EXOC6B: variants seen among roughly 807,000 people sequenced by gnomAD.
The protein encoded by EXOC6B is exocyst complex component 6B.
In EXOC6B, 54 loss-of-function variants were observed where a neutral mutation model predicts 113.5. That is an observed-to-expected ratio of 0.48 (90% confidence interval 0.38 to 0.60). EXOC6B has a LOEUF of 0.60. EXOC6B is among the 20% of genes least tolerant of loss of function. The probability of loss-of-function intolerance (pLI) is 0.00; values close to 1 mark genes in which losing one functional copy is unlikely to be tolerated. For missense variants in EXOC6B, 797 were observed against 977.5 expected, an observed-to-expected ratio of 0.82 and a Z score of 2.46; for synonymous variants, 357 against 339.0, an observed-to-expected ratio of 1.05 and a Z score of -0.58.
chr2:72,243,025 C>T (rs1043927265), intron 20 of EXOC6B, among the ~76,000 whole-genome samples: 11 of 152,100 alleles, frequency 7.2e-5, no homozygotes, highest in Non-Finnish European at 1.0e-4. Flanking sequence ...TGTGCCTGGC[C>T]AAGAAATCCA....
At chr2:72,416,989 T>C (rs1400294639) in intron 18 of EXOC6B, among the ~76,000 whole-genome samples, 2 of 152,132 alleles carry the variant, frequency 1.3e-5, no homozygotes, top group African/African-American at 4.8e-5. Flanking sequence ...AATCAAAAGT[T>C]TTATCATAGG....
rs1178975476 is a variant in EXOC6B, at chr2:72,176,674, T to C, written c.*2661A>G. ...ATTTTCCCTATGAATGTTAAAATGA[T>C]GCAAGCAGCCTATATTACTACTGAA... On this transcript the variant is annotated 3_prime_UTR_variant, in exon 22 of 22. Transcript: ENST00000272427. 2.0e-5 allele frequency: 3 copies of C among 152,206 alleles called. No homozygotes were observed. The highest frequency in any genetic ancestry group is 7.2e-5 in the African/African-American group (3 of 41,458). The allele number at this position is 152,206 out of a possible 1,614,324, so 9.4% of individuals were successfully genotyped here. A position where few individuals can be genotyped will look rare whatever the true frequency, so the allele number is the denominator to read the frequency against.
chr2:72,607,490 T>A (rs957949658), intron 6 of EXOC6B, among the ~76,000 whole-genome samples: 1 of 152,198 alleles, frequency 6.6e-6, no homozygotes, highest in African/African-American at 2.4e-5. Flanking sequence ...TCAATTTTTT[T>A]AAATCATCTA....
At chr2:72,823,385 T>C (rs1686686799) in intron 1 of EXOC6B, among the ~76,000 whole-genome samples, 1 of 147,930 alleles carries the variant, frequency 6.8e-6, no homozygotes, top group Admixed American at 6.8e-5. Flanking sequence ...GTAACTTATA[T>C]TTAAACCGTA....
intron 18 of EXOC6B, among the ~76,000 whole-genome samples, chr2:72,397,625 A>AAAAAAAAATAAAATAAAATAAAAG (rs1173279000): frequency 9.6e-6 from 1 of 104,142 alleles, no homozygotes; most frequent in African/African-American, 7.9e-5. Context: ...CTCAAAAAAA[A>AAAAAAAAATAAAATAAAATAAAAG]AAAATAAAAT....
At chr2:72,776,512 G>T (rs1385499561) in intron 1 of EXOC6B, among the ~76,000 whole-genome samples, 2 of 152,082 alleles carry the variant, frequency 1.3e-5, no homozygotes, top group Non-Finnish European at 2.9e-5. Flanking sequence ...AGCTACTCAT[G>T]AGGCTGAGAT....
At chr2:72,424,934 C>G (rs1003991464) in intron 18 of EXOC6B, among the ~76,000 whole-genome samples, 1 of 151,984 alleles carries the variant, frequency 6.6e-6, no homozygotes, top group Non-Finnish European at 1.5e-5. Flanking sequence ...ATTTCATCAC[C>G]CAGGTATTAA....
chr2:72,707,801 T>C (rs1237682193), intron 6 of EXOC6B, among the ~76,000 whole-genome samples: 1 of 152,148 alleles, frequency 6.6e-6, no homozygotes, highest in East Asian at 1.9e-4. Context: ...GTATTTTACA[T>C]ATTATAAATA....
chr2:72,253,255 A>G (rs1367730083), intron 20 of EXOC6B, among the ~76,000 whole-genome samples: 2 of 152,212 alleles, frequency 1.3e-5, no homozygotes, highest in Admixed American at 6.5e-5. Flanking sequence ...TGGGAATGTA[A>G]ATTAGTTCAG....
chr2:72,752,559 C>T (rs377026666), intron 1 of EXOC6B, among the ~76,000 whole-genome samples: 14 of 151,128 alleles, frequency 9.3e-5, no homozygotes, highest in African/African-American at 2.7e-4. Context: ...CTCTCTCTCT[C>T]TCTCTCTCTC....
At position 72,550,328 on chromosome 2, in the gene EXOC6B, G is replaced by A. The variant is rs1300636844; in HGVS notation, c.915+9125C>T. Among the ~76,000 whole-genome samples the A allele has an allele frequency of 2.0e-5, 3 of 152,236 alleles. No homozygotes were observed. The East Asian group carries it at 5.8e-4, about 29-fold the overall frequency. ...AGGTAACAAATTACAGCCCCAAAAA[G>A]GCTATGAAGAGTCAGCACTAGAAGT... On this transcript the variant is annotated intron_variant, in intron 8 of 21. Coordinates refer to ENST00000272427, the MANE Select transcript of EXOC6B (RefSeq NM_015189.3).
At chr2:72,398,444 C>G (rs931824284) in intron 18 of EXOC6B, among the ~76,000 whole-genome samples, 31 of 152,106 alleles carry the variant, frequency 2.0e-4, no homozygotes, top group Non-Finnish European at 3.1e-4. Context: ...CACCTGTAAT[C>G]CCAGCACTTT....
intron 11 of EXOC6B, among the ~76,000 whole-genome samples, chr2:72,508,088 C>A (rs1700692978): frequency 7.1e-6 from 1 of 140,386 alleles, no homozygotes; most frequent in Non-Finnish European, 1.5e-5. Context: ...AGAAACTTTT[C>A]ACCCACAGAA....
intron 20 of EXOC6B, among the ~76,000 whole-genome samples, chr2:72,204,021 C>A (rs1679666400): frequency 6.6e-6 from 1 of 152,098 alleles, no homozygotes; most frequent in Admixed American, 6.6e-5. Flanking sequence ...CAACGGAGTT[C>A]TATCTTGATG....
chr2:72,359,620 T>G (rs1464078450), intron 19 of EXOC6B, among the ~76,000 whole-genome samples: 1 of 152,212 alleles, frequency 6.6e-6, no homozygotes, highest in African/African-American at 2.4e-5. Flanking sequence ...TATTAGGGAA[T>G]GAGTTGCCAA....
intron 18 of EXOC6B, among the ~76,000 whole-genome samples, chr2:72,452,288 AT>A (rs1558680559): frequency 6.6e-6 from 1 of 152,232 alleles, no homozygotes; most frequent in East Asian, 1.9e-4. Flanking sequence ...CCTGTTAGAC[AT>A]TCCAATCTCA....
At chr2:72,521,004 A>G (rs1019593223) in intron 8 of EXOC6B, among the ~76,000 whole-genome samples, 2 of 152,168 alleles carry the variant, frequency 1.3e-5, no homozygotes, top group African/African-American at 4.8e-5. Context: ...GCCAACTGCT[A>G]TGGTCTGAAT....
chr2:72,402,487 A>G (rs936287943), intron 18 of EXOC6B, among the ~76,000 whole-genome samples: 2 of 151,886 alleles, frequency 1.3e-5, no homozygotes, highest in Non-Finnish European at 2.9e-5. Context: ...CTTTCCTTTC[A>G]TTTTACCATA....
At chr2:72,526,911 C>T (rs1701769958) in intron 8 of EXOC6B, among the ~76,000 whole-genome samples, 1 of 151,928 alleles carries the variant, frequency 6.6e-6, no homozygotes, top group Non-Finnish European at 1.5e-5. Context: ...CCCATGTGCA[C>T]TCTATCCAGT....
Sources: gnomAD v4.1 joint callset for allele counts (sites outside exome capture counted in the v4.1 genomes callset) on GRCh38, gnomAD v4.1.1 for gene constraint, MANE v1.5 for transcripts, NCBI Gene and HGNC (gene_info 2026-07-23, HGNC 2026-07-21) for gene names.